Variants in CLGN observed in about 807,000 individuals in gnomAD.
CLGN encodes the protein calmegin.
A neutral mutation model predicts 79.1 loss-of-function variants in CLGN; 62 were observed. That is an observed-to-expected ratio of 0.78 (90% confidence interval 0.64 to 0.97). The LOEUF (loss-of-function observed/expected upper bound fraction) is 0.97. Ranked by LOEUF, CLGN falls within the 50% of genes least tolerant of loss-of-function variation. The pLI is 0.00. For synonymous variants in CLGN, 225 were observed against 224.7 expected (o/e 1.00, Z -0.01); for missense variants, 647 against 715.5 (o/e 0.90, Z 1.09).
intron 1 of CLGN, among the ~76,000 whole-genome samples, chr4:140,416,557 G>A (rs1238577150): frequency 6.6e-6 from 1 of 151,806 alleles, no homozygotes; most frequent in Non-Finnish European, 1.5e-5. Context: ...TACCATCAGA[G>A]AATACTACAA....
intron 1 of CLGN, among the ~76,000 whole-genome samples, chr4:140,421,070 C>T (rs1286978257): frequency 6.6e-6 from 1 of 152,126 alleles, no homozygotes; most frequent in Non-Finnish European, 1.5e-5. Flanking sequence ...CTTTCTGTAA[C>T]TGGCTTATTT....
chr4:140,400,530 G>A lies in CLGN; in HGVS notation c.521C>T (p.Thr174Ile). 4 of 1,589,796 alleles carry A rather than the reference G, an allele frequency of 2.5e-6. No individual in the cohort carries two copies. The highest frequency in any genetic ancestry group is 3.4e-6 in the Non-Finnish European group (4 of 1,165,262). ...DLILENFYDK[T>I]SYIIMFGPDK... ...TGGTCCAAACATAATGATATAGGAT[G>A]TTTTATCATAAAAGTTTTCCTTCAA... The change falls in exon 7 of 15, where the codon ACA (threonine) becomes ATA (isoleucine). Residue 174 changes from threonine to isoleucine, a missense_variant. Transcript: ENST00000325617.
chr4:140,409,915 T>C lies in CLGN; in HGVS notation c.219-20A>G. 1 of 1,541,208 alleles carries C rather than the reference T, an allele frequency of 6.5e-7. No homozygotes were observed. The highest frequency in any genetic ancestry group is 8.9e-7 in the Non-Finnish European group (1 of 1,123,060). On this transcript the variant is annotated intron_variant, in intron 3 of 14. Coordinates refer to ENST00000325617, the MANE Select transcript of CLGN (RefSeq NM_004362.3). ...ACCCATCTGTAAATAAAGTTGAACA[T>C]ACATATATGTCATTGACAATAAAAG...
chr4:140,419,133 C>CA (rs1331254372), intron 1 of CLGN, among the ~76,000 whole-genome samples: 2 of 151,860 alleles, frequency 1.3e-5, no homozygotes, highest in African/African-American at 4.8e-5. Flanking sequence ...TATTCTCACT[C>CA]ATAGGTGGGA....
At chr4:140,421,523 T>C (rs1729470165) in intron 1 of CLGN, among the ~76,000 whole-genome samples, 1 of 152,284 alleles carries the variant, frequency 6.6e-6, no homozygotes, top group East Asian at 1.9e-4. Context: ...TAGTATCATA[T>C]TGTGGTTTGA....
At chr4:140,422,676 G>T (rs1474945298) in intron 1 of CLGN, among the ~76,000 whole-genome samples, 1 of 152,158 alleles carries the variant, frequency 6.6e-6, no homozygotes, top group Non-Finnish European at 1.5e-5. Context: ...GAGTGCAGTG[G>T]CACCATCATG....
intron 1 of CLGN, among the ~76,000 whole-genome samples, chr4:140,419,441 G>A (rs1729419014): frequency 6.6e-6 from 1 of 151,964 alleles, no homozygotes; most frequent in South Asian, 2.1e-4. Context: ...ATTCCTAAAT[G>A]TTCACTGAAA....
chr4:140,414,192 C>T lies in CLGN; in HGVS notation c.-9-1105G>A, dbSNP rs575012013. 7.2e-4 allele frequency among the ~76,000 whole-genome samples: 110 copies of T among 152,284 alleles called. 1 individual carries two copies. The highest frequency in any genetic ancestry group is 2.6e-3 in the African/African-American group (106 of 41,552). On this transcript the variant is annotated intron_variant, in intron 1 of 14. Transcript: ENST00000325617. ...CAGAAAGGACATCCACGCCAGAAACCCATCTGTACATCACCATCATCAAAG... is the reference window on the plus strand; with the variant it reads ...CAGAAAGGACATCCACGCCAGAAACTCATCTGTACATCACCATCATCAAAG...
chr4:140,419,369 A>C (rs566532664), intron 1 of CLGN, among the ~76,000 whole-genome samples: 1 of 152,272 alleles, frequency 6.6e-6, no homozygotes, highest in East Asian at 1.9e-4. Flanking sequence ...AAAAATCTAA[A>C]GATAAAGATG....
Position 140,399,008 on chromosome 4 carries a change from C to T in CLGN, c.727G>A (p.Val243Ile). 6.2e-7 allele frequency: 1 copy of T among 1,613,540 alleles called. No homozygotes were observed. The highest frequency in any genetic ancestry group is 8.5e-7 in the Non-Finnish European group (1 of 1,179,806). ...MNPDDTFEVL[V>I]DQTVVNKGSL... ...CCTTTGTTTACAACTGTTTGATCAA[C>T]TAACACCTCAAATGTGTCATCTGGA... The change falls in exon 8 of 15, where the codon GTT (valine) becomes ATT (isoleucine). Residue 243 changes from valine to isoleucine, a missense_variant. Val to Ile is a conservative substitution (Grantham distance 29). Coordinates refer to ENST00000325617, the MANE Select transcript of CLGN (RefSeq NM_004362.3).
In CLGN at chr4:140,403,054, T is replaced by TA. The variant is rs200177843; in HGVS notation, c.420-989dup. ...CTCAATTGGTGTACATATTTTGTAT[T>TA]AAAAAAAAGGAAACAAAATTTTAAG... On this transcript the variant is annotated intron_variant, in intron 5 of 14. Coordinates refer to ENST00000325617, the MANE Select transcript of CLGN (RefSeq NM_004362.3). Among the ~76,000 whole-genome samples the TA allele has an allele frequency of 1.9e-3, 293 of 152,064 alleles. 3 individuals carry two copies. The highest frequency in any genetic ancestry group is 6.6e-3 in the African/African-American group (272 of 41,500).
intron 3 of CLGN, 142 bp downstream of exon 3, chr4:140,410,411 T>C: frequency 3.2e-6 from 2 of 630,944 alleles, no homozygotes; most frequent in Non-Finnish European, 5.6e-6. Flanking sequence ...AAAAATATAC[T>C]AAGTACTGAT....
intron 1 of CLGN, among the ~76,000 whole-genome samples, chr4:140,419,562 T>G (rs1018890419): frequency 2.6e-5 from 4 of 152,076 alleles, no homozygotes; most frequent in African/African-American, 9.7e-5. Flanking sequence ...ATACAAAAAT[T>G]TTTTTATCAC....
chr4:140,398,754 TA>T lies in CLGN; in HGVS notation c.884+96del, dbSNP rs1365882676. 1.4e-5 allele frequency: 15 copies of T among 1,098,424 alleles called. 1 individual carries two copies. Among genetic ancestry groups the T allele is most frequent in the East Asian group, 9.7e-5 (4 of 41,072 alleles). 68.0% of individuals were successfully genotyped at this position (1,098,424 alleles called of 1,614,324 possible). On this transcript the variant is annotated intron_variant, in intron 8 of 14. Transcript: ENST00000325617. ...ACTAAAAATAAGTAGTTCTGATGTT[TA>T]AAAAAATAAACTTCATGGGTTGTAA... is the stretch of plus-strand genomic sequence containing the variant.
intron 8 of CLGN, 83 bp from the exon 9 acceptor site, chr4:140,396,288 T>A: frequency 4.4e-6 from 5 of 1,135,204 alleles, no homozygotes; most frequent in Non-Finnish European, 6.5e-6. Context: ...ACCATAAAAT[T>A]ATTTCCCTCC....
At chr4:140,417,852 T>C (rs1729375959) in intron 1 of CLGN, among the ~76,000 whole-genome samples, 1 of 150,290 alleles carries the variant, frequency 6.7e-6, no homozygotes, top group Admixed American at 6.6e-5. Flanking sequence ...AAAAAACTAC[T>C]TTAAAGTTCA....
chr4:140,412,953 T>C lies in CLGN; in HGVS notation c.126A>G (p.Glu42=), dbSNP rs1396288147. The part of the protein sequence containing the change: ...EENSEEIDVN[E]SELSSEIKYK... ...ACCATACCTCTGAGGAAAGTTCACT[T>C]TCATTAACATCAATTTCTTCTGAAT... is the stretch of plus-strand genomic sequence containing the variant. The change falls in exon 2 of 15, where the codon GAA becomes GAG. Residue 42 remains glutamate (E), a synonymous_variant. Transcript: ENST00000325617. 6.2e-7 allele frequency: 1 copy of C among 1,613,396 alleles called. No individual in the cohort carries two copies. The highest frequency in any genetic ancestry group is 1.1e-5 in the South Asian group (1 of 91,012).
chr4:140,401,677 T>C (rs1444738162), intron 6 of CLGN, among the ~76,000 whole-genome samples: 1 of 152,170 alleles, frequency 6.6e-6, no homozygotes, highest in Non-Finnish European at 1.5e-5. Flanking sequence ...TTAAGAGTCT[T>C]ATTCTGTAAA....
At chr4:140,402,380 C>T (rs1338549708) in intron 5 of CLGN, among the ~76,000 whole-genome samples, 1 of 151,670 alleles carries the variant, frequency 6.6e-6, no homozygotes, top group Non-Finnish European at 1.5e-5. Context: ...AAAACTACAA[C>T]AGGAAATTTC....
Sources: allele counts gnomAD v4.1 joint callset (sites outside exome capture counted in the v4.1 genomes callset), GRCh38; gene constraint gnomAD v4.1.1; transcripts MANE v1.5; gene names NCBI Gene and HGNC (gene_info 2026-07-23, HGNC 2026-07-21).